CCDC158: variants seen among roughly 807,000 people sequenced by gnomAD.
CCDC158 encodes the protein coiled-coil domain containing 158.
CCDC158 carries 116 observed loss-of-function variants against 138.6 expected under a neutral mutation model. The observed-to-expected ratio is 0.84, with a 90% CI of 0.72 to 0.98. CCDC158 has a LOEUF of 0.98. Among genes scored for constraint, CCDC158 ranks in the 50% least tolerant of loss-of-function variants. CCDC158 has a pLI of 0.00. For synonymous variants in CCDC158, 436 were observed against 442.4 expected, an observed-to-expected ratio of 0.99 and a Z score of 0.18; for missense variants, 1,265 against 1,306.1, an observed-to-expected ratio of 0.97 and a Z score of 0.48.
intron 4 of CCDC158, among the ~76,000 whole-genome samples, chr4:76,388,363 C>G (rs145690101): frequency 1.3e-5 from 2 of 152,164 alleles, no homozygotes; most frequent in African/African-American, 4.8e-5. Flanking sequence ...ACCTAGTGCC[C>G]TAAAGGGTGA....
rs544357457 is a variant in CCDC158 at position 76,344,662 on chromosome 4, T to C, written c.2664+6334A>G. The C allele has an allele frequency of 1.7e-5, 28 of 1,610,812 alleles. No homozygotes were observed. In the African/African-American group the frequency reaches 3.5e-4, roughly 20 times the overall value. ...TTTACAGTGCACACAAAGACCACAC[T>C]GCCCATGTTTCAGAGCCCAGAGTTT... is the stretch of plus-strand genomic sequence containing the variant. On this transcript the variant is annotated intron_variant, in intron 18 of 24. Coordinates refer to ENST00000682701, the MANE Select transcript of CCDC158 (RefSeq NM_001394954.1).
chr4:76,397,853 T>C (rs1727967951), intron 3 of CCDC158, among the ~76,000 whole-genome samples: 1 of 152,164 alleles, frequency 6.6e-6, no homozygotes, highest in Admixed American at 6.5e-5. Context: ...GATTTCTAAA[T>C]ATGATTCCCT....
At position 76,345,537 on chromosome 4, in the gene CCDC158, A is replaced by G. The variant is rs1467035715; in HGVS notation, c.2664+5459T>C. 3 of 972,590 alleles carry G rather than the reference A, an allele frequency of 3.1e-6. No homozygotes were observed. In the East Asian group the frequency reaches 7.1e-5, roughly 23 times the overall value. 60.2% of individuals were successfully genotyped at this position (972,590 alleles called of 1,614,324 possible). ...GTCTGAACTGGAAATAAAACATGCC[A>G]GGAACAATGACTCCCTTTTGCAGAG... On this transcript the variant is annotated intron_variant, in intron 18 of 24. Coordinates refer to ENST00000682701, the MANE Select transcript of CCDC158 (RefSeq NM_001394954.1).
chr4:76,367,858 G>T, intron 11 of CCDC158, 82 bp from the exon 12 acceptor site: 1 of 1,329,916 alleles, frequency 7.5e-7, no homozygotes, highest in Non-Finnish European at 1.0e-6. Flanking sequence ...TAACTTAAAA[G>T]CATGAAATCA....
intron 7 of CCDC158, 74 bp downstream of exon 7, chr4:76,383,588 G>T: frequency 2.9e-6 from 3 of 1,047,088 alleles, no homozygotes; most frequent in South Asian, 1.3e-5. Context: ...TTAGATTTTG[G>T]AATTGTGGCC....
rs1299303704 is a variant in CCDC158, at chr4:76,354,207, T to A, written c.2287-926A>T. Among the ~76,000 whole-genome samples, 20 of 96,164 alleles carry A rather than the reference T, an allele frequency of 2.1e-4. No homozygotes were observed. In the Admixed American group the frequency reaches 3.1e-3, roughly 15 times the overall value. 63.1% of individuals were successfully genotyped at this position (96,164 alleles called of 152,430 possible). On this transcript the variant is annotated intron_variant, in intron 15 of 24. Transcript: ENST00000682701. ...AAGCCATAAGCGCCATCAGGAAGGATAAGCACTGCTTTAGGTTCCCAAAGG... is the reference window on the plus strand; with the variant it reads ...AAGCCATAAGCGCCATCAGGAAGGAAAAGCACTGCTTTAGGTTCCCAAAGG...
chr4:76,323,647 C>T (rs562890227), intron 23 of CCDC158, among the ~76,000 whole-genome samples: 3 of 152,022 alleles, frequency 2.0e-5, no homozygotes, highest in Non-Finnish European at 2.9e-5. Context: ...CAAACCAATC[C>T]GATGTATCAT....
chr4:76,355,428 C>T lies in CCDC158; in HGVS notation c.2182G>A (p.Val728Met). Reference sequence around the variant, plus strand: ...ATTTGCTTTTGCATCCCCATTGCCACTTTCATAGCTGGAAAAAAAAAAGAG... The same window carrying T: ...ATTTGCTTTTGCATCCCCATTGCCATTTTCATAGCTGGAAAAAAAAAAGAG... ...MEGSDGHAMK[V>M]AMGMQKQITA... Residue 728 changes from valine to methionine, a missense_variant, in exon 15 of 25, where the codon GTG becomes ATG. Physicochemically the swap from Val to Met is conservative, Grantham distance 21. Transcript: ENST00000682701. The T allele has an allele frequency of 1.9e-6, 3 of 1,608,866 alleles. No homozygotes were observed. Among genetic ancestry groups the T allele is most frequent in the Non-Finnish European group, 2.6e-6 (3 of 1,175,862 alleles).
intron 1 of CCDC158, among the ~76,000 whole-genome samples, chr4:76,415,968 T>A (rs1395901487): frequency 1.3e-5 from 2 of 152,218 alleles, no homozygotes; most frequent in Non-Finnish European, 2.9e-5. Context: ...CGCCTGCAGT[T>A]ATCCAGAGGC....
chr4:76,350,779 AACCAAAGAAT>A (rs1239691282), intron 18 of CCDC158, among the ~76,000 whole-genome samples: 1 of 152,224 alleles, frequency 6.6e-6, no homozygotes, highest in Non-Finnish European at 1.5e-5. Context: ...AGATGGAAAT[AACCAAAGAAT>A]TGAAGATAAG....
chr4:76,336,379 T>A (rs1721510992), intron 18 of CCDC158, among the ~76,000 whole-genome samples: 1 of 152,150 alleles, frequency 6.6e-6, no homozygotes, highest in Non-Finnish European at 1.5e-5. Context: ...TGTCTTTATA[T>A]ATTCCATTAC....
chr4:76,388,697 A>T (rs948606402), intron 4 of CCDC158, among the ~76,000 whole-genome samples: 2 of 152,154 alleles, frequency 1.3e-5, no homozygotes, highest in African/African-American at 2.4e-5. Flanking sequence ...GACAAGACTC[A>T]GGGCAGTGCT....
intron 23 of CCDC158, among the ~76,000 whole-genome samples, chr4:76,324,281 G>A (rs1220805435): frequency 5.3e-5 from 8 of 150,360 alleles, no homozygotes; most frequent in Admixed American, 6.7e-5. Context: ...TCTGCCTCCC[G>A]GGTTCAAGTG....
chr4:76,362,426 A>G, intron 12 of CCDC158, 111 bp from the exon 13 acceptor site: 1 of 660,940 alleles, frequency 1.5e-6, no homozygotes, highest in Non-Finnish European at 2.4e-6. Flanking sequence ...TCTCCTACTT[A>G]ATATCCTTTT....
At chr4:76,369,660 A>G (rs753130981) in intron 10 of CCDC158, 37 bp from the exon 11 acceptor site, 3 of 1,534,990 alleles carry the variant, frequency 2.0e-6, no homozygotes, top group Non-Finnish European at 2.7e-6. Context: ...CCTCCCTGCT[A>G]TTAAATAATT....
chr4:76,417,202 G>T (rs2109931994), intron 1 of CCDC158, among the ~76,000 whole-genome samples: 1 of 152,248 alleles, frequency 6.6e-6, no homozygotes, highest in South Asian at 2.1e-4. Context: ...GATTTGCATG[G>T]GCCCTGTAAC....
Position 76,369,495 on chromosome 4 carries a change from C to G in CCDC158, c.1278G>C (p.Met426Ile). The change falls in exon 11 of 25, where the codon ATG (methionine) becomes ATC (isoleucine). Residue 426 changes from methionine to isoleucine, a missense_variant. By Grantham distance (10) the Met-to-Ile change is conservative. Coordinates refer to ENST00000682701, the MANE Select transcript of CCDC158 (RefSeq NM_001394954.1). Reference protein sequence around the residue: ...HLRRELDNRNMEVQRLEALLK... With the variant: ...HLRRELDNRNIEVQRLEALLK... ...GCAGGGCTTCCAGGCGCTGCACCTC[C>G]ATGTTCCGGTTGTCCAGTTCCCGCC... is the stretch of plus-strand genomic sequence containing the variant. 1.9e-6 allele frequency: 3 copies of G among 1,614,200 alleles called. No homozygotes were observed. Among genetic ancestry groups the G allele is most frequent in the Non-Finnish European group, 2.5e-6 (3 of 1,180,028 alleles).
chr4:76,355,515 T>A (rs1486926650), intron 14 of CCDC158, 79 bp from the exon 15 acceptor site: 1 of 923,880 alleles, frequency 1.1e-6, no homozygotes, highest in Non-Finnish European at 1.8e-6. Flanking sequence ...TTAAACTTTA[T>A]GAGAAGGTGA....
chr4:76,357,603 T>C (rs906281323), intron 13 of CCDC158, 77 bp from the exon 14 acceptor site: 1 of 949,578 alleles, frequency 1.1e-6, no homozygotes, highest in Non-Finnish European at 1.4e-6. Flanking sequence ...TTATTTGTAA[T>C]TAATGATCAC....
Sources: gnomAD v4.1 joint callset for allele counts (sites outside exome capture counted in the v4.1 genomes callset) on GRCh38, gnomAD v4.1.1 for gene constraint, MANE v1.5 for transcripts, NCBI Gene and HGNC (gene_info 2026-07-23, HGNC 2026-07-21) for gene names.